The following ACKR2 variants were observed in gnomAD, a reference collection of about 807,000 sequenced individuals.
ACKR2 encodes the protein atypical chemokine receptor 2.
For missense variants in ACKR2, 457 were observed against 477.3 expected (o/e 0.96, Z 0.40); for synonymous variants, 207 against 192.2 (o/e 1.08, Z -0.64).
intron 2 of ACKR2, among the ~76,000 whole-genome samples, chr3:42,836,479 C>T (rs977601173): frequency 3.3e-5 from 5 of 152,202 alleles, no homozygotes; most frequent in African/African-American, 1.2e-4. Context: ...CCCTAGACTC[C>T]ATACGGCACC....
At position 42,865,587 on chromosome 3, in the gene ACKR2, T is replaced by G. The variant is rs752159651; in HGVS notation, c.1085T>G (p.Met362Arg). 6.2e-7 allele frequency: 1 copy of G among 1,614,112 alleles called. No homozygotes were observed. The highest frequency in any genetic ancestry group is 2.2e-5 in the East Asian group (1 of 44,872). ...ACTGCCCAAGAGGAAATGACTGGCA[T>G]GAATGACCTTGGAGAGAGGCAGTCT... ...ILTAQEEMTG[M>R]NDLGERQSEN... Residue 362 changes from methionine to arginine, a missense_variant, in exon 3 of 3, where the codon ATG becomes AGG. Met to Arg is a moderately conservative substitution (Grantham distance 91, BLOSUM62 -1). Transcript: ENST00000422265.
At chr3:42,834,178 G>C (rs774174071) in intron 2 of ACKR2, among the ~76,000 whole-genome samples, 1 of 152,032 alleles carries the variant, frequency 6.6e-6, no homozygotes, top group African/African-American at 2.4e-5. Flanking sequence ...GGCTGGTCTC[G>C]AACTCCTGAC....
At position 42,866,019 on chromosome 3, in the gene ACKR2, C is replaced by A; in HGVS notation, c.*362C>A. On this transcript the variant is annotated 3_prime_UTR_variant, in exon 3 of 3. Coordinates refer to ENST00000422265, the MANE Select transcript of ACKR2 (RefSeq NM_001296.5). ...GGTCTTGCTCTATTGCTCTGTCACC[C>A]AGGCTGGAATGCAGTGGCGAGATCT... 4.8e-6 allele frequency: 1 copy of A among 210,458 alleles called. No homozygotes were observed. The allele number at this position is 210,458 out of a possible 1,614,324, so 13.0% of individuals were successfully genotyped here.
chr3:42,828,098 T>A lies in ACKR2; in HGVS notation c.-38+8387T>A, dbSNP rs371240195. Among the ~76,000 whole-genome samples the A allele has an allele frequency of 1.9e-3, 251 of 129,242 alleles. 1 individual carries two copies. The highest frequency in any genetic ancestry group is 4.0e-3 in the Middle Eastern group (1 of 250). The allele number at this position is 129,242 out of a possible 152,430, so 84.8% of individuals were successfully genotyped here. A position where few individuals can be genotyped will look rare whatever the true frequency, so the allele number is the denominator to read the frequency against. On this transcript the variant is annotated intron_variant, in intron 2 of 2. Coordinates refer to ENST00000422265, the MANE Select transcript of ACKR2 (RefSeq NM_001296.5). ...ATTATATATATATATATATATTTTT[T>A]TTTTTTTCTTTTCTTTTCTTTTCTT...
At chr3:42,844,229 A>C (rs1006219330) in intron 2 of ACKR2, among the ~76,000 whole-genome samples, 9 of 152,204 alleles carry the variant, frequency 5.9e-5, no homozygotes, top group African/African-American at 2.2e-4. Flanking sequence ...TGGAAGTTGG[A>C]GACATGGGCA....
intron 2 of ACKR2, among the ~76,000 whole-genome samples, chr3:42,837,270 G>T (rs1213585906): frequency 6.6e-6 from 1 of 152,032 alleles, no homozygotes; most frequent in Non-Finnish European, 1.5e-5. Flanking sequence ...AGGCTGGAGT[G>T]TAGTGGTGCA....
intron 2 of ACKR2, among the ~76,000 whole-genome samples, chr3:42,849,539 G>A (rs1199929690): frequency 2.0e-5 from 3 of 152,266 alleles, no homozygotes; most frequent in East Asian, 1.9e-4. Context: ...AGTAAATGGA[G>A]TTTAATTGAG....
chr3:42,843,206 G>T (rs1049007120), intron 2 of ACKR2, among the ~76,000 whole-genome samples: 5 of 151,568 alleles, frequency 3.3e-5, no homozygotes, highest in Non-Finnish European at 7.4e-5. Context: ...GAGTAGCTGG[G>T]ATTACAGGTG....
intron 2 of ACKR2, among the ~76,000 whole-genome samples, chr3:42,830,296 A>G (rs903109057): frequency 6.6e-6 from 1 of 152,130 alleles, no homozygotes; most frequent in African/African-American, 2.4e-5. Flanking sequence ...TTTTTTTAAA[A>G]TAGAGATGGG....
At chr3:42,838,805 A>G (rs1303962080) in intron 2 of ACKR2, among the ~76,000 whole-genome samples, 1 of 152,222 alleles carries the variant, frequency 6.6e-6, no homozygotes, top group Non-Finnish European at 1.5e-5. Flanking sequence ...GACAAACCAA[A>G]TGTCCCTCAG....
chr3:42,864,438 T>G, intron 2 of ACKR2, 28 bp from the exon 3 acceptor site: 1 of 1,527,950 alleles, frequency 6.5e-7, no homozygotes, highest in African/African-American at 1.4e-5. Context: ...TAGAGAATGC[T>G]AGGTCTCACC....
At chr3:42,834,955 G>A (rs886611496) in intron 2 of ACKR2, among the ~76,000 whole-genome samples, 3 of 151,838 alleles carry the variant, frequency 2.0e-5, no homozygotes, top group Admixed American at 6.6e-5. Context: ...GCCCGATCTC[G>A]GCTCACTGCA....
intron 2 of ACKR2, among the ~76,000 whole-genome samples, chr3:42,860,733 G>A (rs1028914339): frequency 1.3e-5 from 2 of 152,292 alleles, no homozygotes; most frequent in South Asian, 2.1e-4. Flanking sequence ...CAACTACATG[G>A]AAACTGAATA....
At chr3:42,847,928 TCACA>T (rs1701114189) in intron 2 of ACKR2, among the ~76,000 whole-genome samples, 1 of 152,208 alleles carries the variant, frequency 6.6e-6, no homozygotes, top group African/African-American at 2.4e-5. Context: ...ACCTAGTTGC[TCACA>T]CAAAGGCTCA....
intron 2 of ACKR2, chr3:42,850,823 A>G (rs1701148204): frequency 6.6e-6 from 1 of 152,410 alleles, no homozygotes; most frequent in South Asian, 2.1e-4. Context: ...CAGAGATGCC[A>G]TGAAGGGGAG....
chr3:42,820,160 T>C (rs1467874058), intron 2 of ACKR2, among the ~76,000 whole-genome samples: 1 of 152,184 alleles, frequency 6.6e-6, no homozygotes, highest in East Asian at 1.9e-4. Flanking sequence ...AAGAACAGGA[T>C]AATGGTCTCC....
chr3:42,860,178 A>AC, intron 2 of ACKR2, among the ~76,000 whole-genome samples: 1 of 142,528 alleles, frequency 7.0e-6, no homozygotes, highest in African/African-American at 2.6e-5. Context: ...AAAAAAAAAA[A>AC]AAAAAAAAAA....
intron 2 of ACKR2, among the ~76,000 whole-genome samples, chr3:42,826,345 A>G (rs1700864823): frequency 2.0e-5 from 3 of 152,060 alleles, no homozygotes; most frequent in Admixed American, 1.3e-4. Context: ...AATTCTTTAA[A>G]CATTTGGTAG....
At chr3:42,825,204 A>G (rs1039864905) in intron 2 of ACKR2, among the ~76,000 whole-genome samples, 1 of 152,156 alleles carries the variant, frequency 6.6e-6, no homozygotes, top group Non-Finnish European at 1.5e-5. Flanking sequence ...TTGCATTTCC[A>G]TGCGAATTTT....
Sources: gnomAD v4.1 joint callset for allele counts (sites outside exome capture counted in the v4.1 genomes callset) on GRCh38, gnomAD v4.1.1 for gene constraint, MANE v1.5 for transcripts, NCBI Gene and HGNC (gene_info 2026-07-23, HGNC 2026-07-21) for gene names.